The following CDH22 variants were observed in gnomAD, a reference collection of about 807,000 sequenced individuals.
CDH22 encodes the protein cadherin-22.
A neutral mutation model predicts 58.4 loss-of-function variants in CDH22; 30 were observed. The ratio of observed to expected loss-of-function variants is 0.51; its 90% CI spans 0.38 to 0.70. The LOEUF (loss-of-function observed/expected upper bound fraction) is 0.70, where lower values mean the gene tolerates loss of function less well. Among genes scored for constraint, CDH22 ranks in the 30% least tolerant of loss-of-function variants. CDH22 has a pLI of 0.00. For synonymous variants in CDH22, 513 were observed against 558.2 expected (o/e 0.92, Z 1.14); for missense variants, 1,014 against 1,233.9 (o/e 0.82, Z 2.67).
chr20:46,231,076 AC>A (rs1470426914), intron 3 of CDH22, among the ~76,000 whole-genome samples: 1 of 152,166 alleles, frequency 6.6e-6, no homozygotes, highest in East Asian at 1.9e-4. Flanking sequence ...TCCCTCCCCT[AC>A]AGCTGGTCCA....
intron 9 of CDH22, 57 bp downstream of exon 9, chr20:46,186,769 A>G: frequency 6.3e-7 from 1 of 1,599,966 alleles, no homozygotes; most frequent in South Asian, 1.1e-5. Flanking sequence ...GTCGAGGTAG[A>G]GGATGCTGCT....
intron 4 of CDH22, among the ~76,000 whole-genome samples, chr20:46,217,676 A>G (rs1302388134): frequency 1.3e-5 from 2 of 152,160 alleles, no homozygotes; most frequent in Non-Finnish European, 2.9e-5. Context: ...ATACAGAAAC[A>G]CACACACTCA....
chr20:46,227,462 T>TG, intron 4 of CDH22, 46 bp downstream of exon 4: 3 of 522,410 alleles, frequency 5.7e-6, no homozygotes, highest in Non-Finnish European at 3.4e-6. Context: ...GCCCCGCCCC[T>TG]GGCCCCGCCC....
intron 1 of CDH22, among the ~76,000 whole-genome samples, chr20:46,281,668 T>C (rs2086551536): frequency 6.6e-6 from 1 of 152,202 alleles, no homozygotes; most frequent in South Asian, 2.1e-4. Context: ...ATTTCGAAGG[T>C]AGGTAGCCAA....
chr20:46,306,321 G>T lies in CDH22; in HGVS notation c.-400+1934C>A, dbSNP rs182123905. ...TGGGTATAGCTTACCATGTGACCTC[G>T]GGCTGCTGTTGCCAATCCTTGAAAA... On this transcript the variant is annotated intron_variant, in intron 1 of 11. Transcript: ENST00000537909. Among the ~76,000 whole-genome samples, 281 of 152,344 alleles carry T rather than the reference G, an allele frequency of 1.8e-3. 2 individuals are homozygous for T. The highest frequency in any genetic ancestry group is 6.4e-3 in the African/African-American group (268 of 41,574).
At chr20:46,289,468 TA>T (rs2086591034) in intron 1 of CDH22, among the ~76,000 whole-genome samples, 2 of 152,204 alleles carry the variant, frequency 1.3e-5, no homozygotes, top group South Asian at 4.1e-4. Flanking sequence ...TGGCACATAA[TA>T]GGTGCTCAGT....
chr20:46,227,216 G>A (rs943036821), intron 4 of CDH22, among the ~76,000 whole-genome samples: 2 of 152,164 alleles, frequency 1.3e-5, no homozygotes, highest in African/African-American at 2.4e-5. Flanking sequence ...GACCTTTAAG[G>A]TCCTTTTAGG....
At chr20:46,303,176 T>G (rs1011049418) in intron 1 of CDH22, among the ~76,000 whole-genome samples, 5 of 152,222 alleles carry the variant, frequency 3.3e-5, no homozygotes, top group African/African-American at 1.2e-4. Context: ...TCCCACTCCC[T>G]GAACCCCAAC....
intron 1 of CDH22, among the ~76,000 whole-genome samples, chr20:46,293,742 T>G (rs1238825084): frequency 6.6e-6 from 1 of 152,148 alleles, no homozygotes; most frequent in Admixed American, 6.5e-5. Flanking sequence ...AGAGGCCAGG[T>G]GCGGTGGCTC....
intron 1 of CDH22, among the ~76,000 whole-genome samples, chr20:46,258,795 A>C (rs1395749750): frequency 6.6e-6 from 1 of 152,214 alleles, no homozygotes; most frequent in East Asian, 1.9e-4. Flanking sequence ...TGGGACACAC[A>C]CAGGAGGCAG....
At chr20:46,288,329 T>C (rs937411592) in intron 1 of CDH22, among the ~76,000 whole-genome samples, 4 of 152,134 alleles carry the variant, frequency 2.6e-5, no homozygotes, top group Admixed American at 2.0e-4. Flanking sequence ...CATAGAGCTC[T>C]TGGCTCCTTC....
chr20:46,186,413 CT>C (rs1348159037), intron 10 of CDH22, among the ~76,000 whole-genome samples, 174 bp downstream of exon 10: 2 of 151,766 alleles, frequency 1.3e-5, no homozygotes, highest in Non-Finnish European at 2.9e-5. Flanking sequence ...AACCCACACC[CT>C]GCTTGTGTTT....
Position 46,176,905 on chromosome 20 carries a change from C to T in CDH22, c.1915+1041G>A, listed in dbSNP as rs187544216. ...GATTCCACCCGTCACCTTTAGAGCA[C>T]TGATGTGCACTTTCTTCGTTTGTGG... On this transcript the variant is annotated intron_variant, in intron 11 of 11. Transcript: ENST00000537909. 4.6e-5 allele frequency among the ~76,000 whole-genome samples: 7 copies of T among 152,364 alleles called. No homozygotes were observed. In the East Asian group the frequency reaches 1.3e-3, roughly 29 times the overall value.
chr20:46,183,713 T>C (rs2085804390), intron 10 of CDH22, among the ~76,000 whole-genome samples: 1 of 152,118 alleles, frequency 6.6e-6, no homozygotes, highest in African/African-American at 2.4e-5. Flanking sequence ...GAGCCTTACA[T>C]ATTTTTAACA....
intron 1 of CDH22, among the ~76,000 whole-genome samples, chr20:46,282,820 G>A (rs1274404713): frequency 6.6e-6 from 1 of 152,114 alleles, no homozygotes; most frequent in South Asian, 2.1e-4. Flanking sequence ...GCTGGAACCC[G>A]TAATCCCTGC....
In CDH22 at chr20:46,186,938, G is replaced by A; in HGVS notation, c.1433C>T (p.Ala478Val). 1 of 1,594,858 alleles carries A rather than the reference G, an allele frequency of 6.3e-7. No individual in the cohort carries two copies. Among genetic ancestry groups the A allele is most frequent in the Non-Finnish European group, 8.5e-7 (1 of 1,170,950 alleles). The change falls in exon 9 of 12, where the codon GCA becomes GTA. Residue 478 changes from alanine (A) to valine (V), a missense_variant. Ala to Val is a moderately conservative substitution (Grantham distance 64, BLOSUM62 0). This residue lies in a region of CDH22 where 806 missense variants were observed against 1,038.7 expected (regional missense o/e 0.78). Transcript: ENST00000537909. ...TVLAMEADNH[A>V]QLSRASLRIR... ...CCTTAGGGATGCCCGGGATAGCTGT[G>A]CATGATTGTCTGTAATGAGAGCACA...
chr20:46,180,926 T>TTGTGTG (rs11471209), intron 10 of CDH22, among the ~76,000 whole-genome samples: 2,646 of 142,562 alleles, frequency 0.019, 25 homozygotes, highest in African/African-American at 0.027. Context: ...AAAGTTTGTT[T>TTGTGTG]TGTGTGTGTG....
At chr20:46,179,122 C>T (rs955320939) in intron 10 of CDH22, among the ~76,000 whole-genome samples, 3 of 152,238 alleles carry the variant, frequency 2.0e-5, no homozygotes, top group Non-Finnish European at 4.4e-5. Flanking sequence ...CTGTAGGAGT[C>T]AGGCCACCTG....
At chr20:46,259,363 C>G (rs981759060) in intron 1 of CDH22, among the ~76,000 whole-genome samples, 1 of 152,202 alleles carries the variant, frequency 6.6e-6, no homozygotes, top group South Asian at 2.1e-4. Flanking sequence ...TAAGCCTTAA[C>G]AGGTTTGTGG....
Sources: allele counts gnomAD v4.1 joint callset (sites outside exome capture counted in the v4.1 genomes callset), GRCh38; gene constraint gnomAD v4.1.1; regional missense constraint gnomAD v4.1.1; transcripts MANE v1.5; gene names NCBI Gene and HGNC (gene_info 2026-07-23, HGNC 2026-07-21).